MECOM: variants seen among roughly 807,000 people sequenced by gnomAD.
MECOM encodes the protein histone-lysine N-methyltransferase MECOM.
A neutral mutation model predicts 116.3 loss-of-function variants in MECOM; 13 were observed. That is an observed-to-expected ratio of 0.11 (90% confidence interval 0.07 to 0.18). MECOM has a LOEUF of 0.18. Ranked by LOEUF, MECOM falls within the 10% of genes least tolerant of loss-of-function variation. The probability of loss-of-function intolerance (pLI) is 1.00; values close to 1 mark genes in which losing one functional copy is unlikely to be tolerated. For synonymous variants in MECOM, 528 were observed against 535.2 expected, an observed-to-expected ratio of 0.99 and a Z score of 0.19; for missense variants, 1,299 against 1,509.0, an observed-to-expected ratio of 0.86 and a Z score of 2.31.
intron 1 of MECOM, among the ~76,000 whole-genome samples, chr3:169,507,650 C>CTGTTTTTTTTTTTTTTTTT: frequency 1.7e-5 from 1 of 57,146 alleles, no homozygotes; most frequent in Non-Finnish European, 3.1e-5. Flanking sequence ...TCCCCACTTG[C>CTGTTTTTTTTTTTTTTTTT]TTTTTTTTTT....
intron 2 of MECOM, among the ~76,000 whole-genome samples, chr3:169,144,477 CA>C (rs1257551693): frequency 3.3e-5 from 5 of 151,970 alleles, no homozygotes; most frequent in Non-Finnish European, 5.9e-5. Flanking sequence ...GTCTAGTAAG[CA>C]AAATAAAGCT....
At chr3:169,658,733 G>A (rs1775840369) in intron 1 of MECOM, among the ~76,000 whole-genome samples, 2 of 152,214 alleles carry the variant, frequency 1.3e-5, no homozygotes, top group Admixed American at 1.3e-4. Context: ...GATGAAGCGT[G>A]GGAGGGCTCA....
At chr3:169,344,213 A>G (rs1029199210) in intron 2 of MECOM, among the ~76,000 whole-genome samples, 2 of 152,150 alleles carry the variant, frequency 1.3e-5, no homozygotes, top group Non-Finnish European at 2.9e-5. Flanking sequence ...ATGTGTGTCT[A>G]TATCATGTAA....
At chr3:169,522,767 G>C (rs1222996201) in intron 1 of MECOM, among the ~76,000 whole-genome samples, 1 of 152,228 alleles carries the variant, frequency 6.6e-6, no homozygotes, top group Non-Finnish European at 1.5e-5. Flanking sequence ...GAATAGTTAG[G>C]TAGATAATCA....
intron 1 of MECOM, among the ~76,000 whole-genome samples, chr3:169,394,128 G>A (rs915035074): frequency 6.6e-6 from 1 of 152,040 alleles, no homozygotes; most frequent in Non-Finnish European, 1.5e-5. Flanking sequence ...GTATTAATAC[G>A]TCTACTTCAT....
chr3:169,238,460 AC>A (rs1408697318), intron 2 of MECOM, among the ~76,000 whole-genome samples: 1 of 151,526 alleles, frequency 6.6e-6, no homozygotes, highest in Non-Finnish European at 1.5e-5. Context: ...TGAAATGACC[AC>A]AGCAATTTTA....
chr3:169,542,374 C>T (rs567727817), intron 1 of MECOM, among the ~76,000 whole-genome samples: 2 of 151,822 alleles, frequency 1.3e-5, no homozygotes, highest in South Asian at 2.1e-4. Flanking sequence ...CTCCCCCCTC[C>T]GCCTATGCAA....
intron 1 of MECOM, among the ~76,000 whole-genome samples, chr3:169,653,357 T>TA (rs1263050760): frequency 1.3e-5 from 2 of 152,170 alleles, no homozygotes; most frequent in Admixed American, 1.3e-4. Flanking sequence ...TTTTACAGTT[T>TA]ACCTAGAAAA....
intron 2 of MECOM, among the ~76,000 whole-genome samples, chr3:169,302,285 C>T (rs1368741282): frequency 1.3e-5 from 2 of 152,182 alleles, no homozygotes; most frequent in African/African-American, 4.8e-5. Flanking sequence ...CAAGGTAGAG[C>T]TTGGACACAG....
intron 2 of MECOM, among the ~76,000 whole-genome samples, chr3:169,359,439 G>A (rs1727827266): frequency 6.6e-6 from 1 of 151,680 alleles, no homozygotes; most frequent in Non-Finnish European, 1.5e-5. Flanking sequence ...CTTGAGTGAA[G>A]CCCACCAAGT....
At chr3:169,566,962 G>A (rs567631840) in intron 1 of MECOM, among the ~76,000 whole-genome samples, 1 of 152,362 alleles carries the variant, frequency 6.6e-6, no homozygotes, top group East Asian at 1.9e-4. Flanking sequence ...GCCTGGACCA[G>A]AATCAGCCAA....
chr3:169,537,961 T>C (rs1759592676), intron 1 of MECOM, among the ~76,000 whole-genome samples: 1 of 152,158 alleles, frequency 6.6e-6, no homozygotes, highest in Admixed American at 6.5e-5. Flanking sequence ...TGTTGGAGGC[T>C]CTGGCTTCAC....
intron 1 of MECOM, among the ~76,000 whole-genome samples, chr3:169,467,732 G>T (rs555733772): frequency 6.6e-6 from 1 of 152,232 alleles, no homozygotes; most frequent in East Asian, 1.9e-4. Context: ...TGACACTGAG[G>T]TTGTAAGTCT....
chr3:169,621,000 C>T (rs1770647658), intron 1 of MECOM, among the ~76,000 whole-genome samples: 1 of 152,144 alleles, frequency 6.6e-6, no homozygotes, highest in South Asian at 2.1e-4. Flanking sequence ...AGTCACTTTA[C>T]CTCTCTGAGC....
intron 1 of MECOM, among the ~76,000 whole-genome samples, chr3:169,627,591 C>T (rs1469046311): frequency 6.6e-6 from 1 of 152,178 alleles, no homozygotes; most frequent in Non-Finnish European, 1.5e-5. Context: ...ATCAGCATTG[C>T]AATCTAAATC....
chr3:169,551,438 T>C (rs1761393383), intron 1 of MECOM, among the ~76,000 whole-genome samples: 1 of 151,702 alleles, frequency 6.6e-6, no homozygotes, highest in Non-Finnish European at 1.5e-5. Context: ...TCAGAAACTA[T>C]GTTTCATTTG....
intron 12 of MECOM, among the ~76,000 whole-genome samples, chr3:169,098,595 T>C (rs1268346402): frequency 6.6e-6 from 1 of 152,236 alleles, no homozygotes; most frequent in African/African-American, 2.4e-5. Flanking sequence ...AGGTTATTAC[T>C]TTTTCTCTTT....
intron 1 of MECOM, among the ~76,000 whole-genome samples, chr3:169,515,082 C>T (rs2109046553): frequency 6.6e-6 from 1 of 152,226 alleles, no homozygotes; most frequent in South Asian, 2.1e-4. Flanking sequence ...CTGAGAATGA[C>T]AGTAGGGAGC....
At chr3:169,571,545 G>C (rs1352224882) in intron 1 of MECOM, among the ~76,000 whole-genome samples, 1 of 152,088 alleles carries the variant, frequency 6.6e-6, no homozygotes. Flanking sequence ...ACAATCCTAA[G>C]CAAAAAGAAC....
Sources: gnomAD v4.1 joint callset for allele counts (sites outside exome capture counted in the v4.1 genomes callset) on GRCh38, gnomAD v4.1.1 for gene constraint, MANE v1.5 for transcripts, NCBI Gene and HGNC (gene_info 2026-07-23, HGNC 2026-07-21) for gene names.